The following NEK10 variants were observed in gnomAD, a reference collection of about 807,000 sequenced individuals.
NEK10 encodes NIMA related kinase 10.
In NEK10, 122 loss-of-function variants were observed where a neutral mutation model predicts 159.8. The observed-to-expected ratio is 0.76, with a 90% CI of 0.66 to 0.89. NEK10 has a LOEUF of 0.89. Among genes scored for constraint, NEK10 ranks in the 40% least tolerant of loss-of-function variants. The probability of loss-of-function intolerance (pLI) is 0.00; values close to 1 mark genes in which losing one functional copy is unlikely to be tolerated. For missense variants in NEK10, 1,342 were observed against 1,323.1 expected, an observed-to-expected ratio of 1.01 and a Z score of -0.22; for synonymous variants, 466 against 457.1, an observed-to-expected ratio of 1.02 and a Z score of -0.25.
rs144792121 is a variant in NEK10, at chr3:27,219,680, T to A, written c.2091-17123A>T. 2.9e-3 allele frequency among the ~76,000 whole-genome samples: 447 copies of A among 152,334 alleles called. 4 individuals carry two copies. Among genetic ancestry groups the A allele is most frequent in the African/African-American group, 9.1e-3 (379 of 41,584 alleles). On this transcript the variant is annotated intron_variant, in intron 23 of 35. Coordinates refer to ENST00000691995, the MANE Select transcript of NEK10 (RefSeq NM_001394966.1). ...TCAGATCAGGAATAAGACAAGGAAG[T>A]CTGCTCTTACCACTTCATTCAACAT...
At chr3:27,214,558 G>C (rs6805966) in intron 23 of NEK10, among the ~76,000 whole-genome samples, 2 of 121,070 alleles carry the variant, frequency 1.7e-5, no homozygotes, top group Non-Finnish European at 3.8e-5. Flanking sequence ...TCTTTTTTTT[G>C]TTTTTCCTAT....
At chr3:27,227,881 T>C (rs886326866) in intron 23 of NEK10, among the ~76,000 whole-genome samples, 2 of 152,198 alleles carry the variant, frequency 1.3e-5, no homozygotes, top group African/African-American at 2.4e-5. Flanking sequence ...AGTGGTATAA[T>C]AGCGTGGCAG....
intron 32 of NEK10, among the ~76,000 whole-genome samples, chr3:27,131,392 T>A (rs1942605755): frequency 6.6e-6 from 1 of 152,202 alleles, no homozygotes; most frequent in Non-Finnish European, 1.5e-5. Flanking sequence ...TTGCTATATG[T>A]ATGGACAGAA....
intron 23 of NEK10, among the ~76,000 whole-genome samples, chr3:27,226,055 G>A (rs770621027): frequency 5.3e-5 from 8 of 151,558 alleles, no homozygotes; most frequent in East Asian, 1.9e-4. Context: ...TTTTTGAGAC[G>A]GAGTCTCGCT....
chr3:27,268,788 A>C (rs1341866147), intron 22 of NEK10, among the ~76,000 whole-genome samples: 1 of 152,184 alleles, frequency 6.6e-6, no homozygotes, highest in Non-Finnish European at 1.5e-5. Flanking sequence ...ACTAATTCAG[A>C]GATACATTTC....
intron 26 of NEK10, among the ~76,000 whole-genome samples, chr3:27,184,914 T>C (rs1948471713): frequency 6.6e-6 from 1 of 152,254 alleles, no homozygotes; most frequent in African/African-American, 2.4e-5. Context: ...TATGGTATAA[T>C]AAAAATAAAG....
chr3:27,310,649 G>A lies in NEK10; in HGVS notation c.636+300C>T, dbSNP rs534791189. 7 of 271,930 alleles carry A rather than the reference G, an allele frequency of 2.6e-5. No homozygotes were observed. The East Asian group carries it at 4.2e-4, about 16-fold the overall frequency. The allele number at this position is 271,930 out of a possible 1,614,324, so 16.8% of individuals were successfully genotyped here. On this transcript the variant is annotated intron_variant, in intron 9 of 35. Coordinates refer to ENST00000691995, the MANE Select transcript of NEK10 (RefSeq NM_001394966.1). ...ACTTATTTATAAATGCACACCTAGG[G>A]TGTATTTATACATAGCTGGGGCTTT...
At position 27,232,141 on chromosome 3, in the gene NEK10, A is replaced by C. The variant is rs773484829; in HGVS notation, c.2090+24155T>G. ...CATATCAAAAAGATAACACATCGTG[A>C]TATGATCATATACGCAGAAAACCTA... On this transcript the variant is annotated intron_variant, in intron 23 of 35. Transcript: ENST00000691995. 1.5e-4 allele frequency among the ~76,000 whole-genome samples: 23 copies of C among 152,074 alleles called. 1 individual carries two copies. Among genetic ancestry groups the C allele is most frequent in the Admixed American group, 7.9e-4 (12 of 15,260 alleles).
intron 1 of NEK10, among the ~76,000 whole-genome samples, chr3:27,360,612 G>C (rs2048618467): frequency 6.6e-6 from 1 of 152,184 alleles, no homozygotes; most frequent in African/African-American, 2.4e-5. Flanking sequence ...AGAACTTGTT[G>C]ATATTGGCCC....
intron 26 of NEK10, among the ~76,000 whole-genome samples, chr3:27,179,565 T>C (rs537471030): frequency 2.6e-5 from 4 of 152,318 alleles, no homozygotes; most frequent in African/African-American, 9.6e-5. Context: ...ACAGGTTTTC[T>C]AGAAGGAATA....
intron 26 of NEK10, among the ~76,000 whole-genome samples, chr3:27,181,244 A>T (rs1362230405): frequency 1.4e-5 from 2 of 146,622 alleles, no homozygotes; most frequent in African/African-American, 5.0e-5. Context: ...GAAGCTTACC[A>T]ATAACATAAA....
chr3:27,236,692 G>T (rs1206875268), intron 23 of NEK10, among the ~76,000 whole-genome samples: 3 of 152,094 alleles, frequency 2.0e-5, no homozygotes, highest in Non-Finnish European at 4.4e-5. Context: ...GTATGAACAG[G>T]GAATAGGTCA....
At chr3:27,230,062 T>C (rs919604292) in intron 23 of NEK10, among the ~76,000 whole-genome samples, 6 of 152,004 alleles carry the variant, frequency 3.9e-5, no homozygotes, top group Admixed American at 1.3e-4. Flanking sequence ...CAAAAGCACA[T>C]AGTTATCAGG....
intron 5 of NEK10, among the ~76,000 whole-genome samples, chr3:27,341,358 C>A (rs746159662): frequency 6.6e-6 from 1 of 152,128 alleles, no homozygotes; most frequent in Non-Finnish European, 1.5e-5. Context: ...GAGTTCTCAA[C>A]ACATAGAACT....
intron 23 of NEK10, chr3:27,214,779 C>T (rs965887201): frequency 2.3e-6 from 2 of 852,038 alleles, no homozygotes; most frequent in Non-Finnish European, 4.1e-6. Flanking sequence ...CTGGGATGTT[C>T]TCAGGTGAAG....
chr3:27,207,259 G>T (rs1277515102), intron 23 of NEK10, among the ~76,000 whole-genome samples: 1 of 152,098 alleles, frequency 6.6e-6, no homozygotes, highest in Admixed American at 6.6e-5. Flanking sequence ...ACAACTAAGG[G>T]TTTATAAGAA....
intron 25 of NEK10, among the ~76,000 whole-genome samples, chr3:27,200,163 A>C (rs1014563798): frequency 6.6e-6 from 1 of 152,220 alleles, no homozygotes; most frequent in Non-Finnish European, 1.5e-5. Flanking sequence ...TATTGTGCCA[A>C]AGAAAGAAAG....
chr3:27,273,850 C>T (rs1279580858), intron 22 of NEK10, among the ~76,000 whole-genome samples: 1 of 152,062 alleles, frequency 6.6e-6, no homozygotes, highest in Non-Finnish European at 1.5e-5. Flanking sequence ...GTAACATCCT[C>T]TCAGTGCAGG....
intron 13 of NEK10, among the ~76,000 whole-genome samples, chr3:27,299,866 C>T (rs1482858040): frequency 6.6e-6 from 1 of 152,160 alleles, no homozygotes; most frequent in African/African-American, 2.4e-5. Context: ...TTTGGAACAG[C>T]TGTATTTATC....
Sources: allele counts gnomAD v4.1 joint callset (sites outside exome capture counted in the v4.1 genomes callset), GRCh38; gene constraint gnomAD v4.1.1; transcripts MANE v1.5; gene names NCBI Gene and HGNC (gene_info 2026-07-23, HGNC 2026-07-21).